AKAP19: variants seen among roughly 807,000 people sequenced by gnomAD.
The protein encoded by AKAP19 is small A-kinase anchoring protein.
the AKAP19 span, among the ~76,000 whole-genome samples, chr2:189,971,131 C>T: frequency 6.6e-6 from 1 of 152,122 alleles, no homozygotes; most frequent in African/African-American, 2.4e-5. Context: ...TATCCCTCCC[C>T]ACTCCCCCAA....
chr2:189,990,629 A>T, the AKAP19 span, among the ~76,000 whole-genome samples: 1 of 152,278 alleles, frequency 6.6e-6, no homozygotes, highest in South Asian at 2.1e-4. Flanking sequence ...GGCCTCATAG[A>T]ATAAGTGGAG....
the AKAP19 span, among the ~76,000 whole-genome samples, chr2:189,949,149 A>G: frequency 6.6e-6 from 1 of 152,194 alleles, no homozygotes; most frequent in Non-Finnish European, 1.5e-5. Flanking sequence ...CCAAGTATAC[A>G]AAAAGCCGGC....
chr2:190,055,364 G>C, the AKAP19 span, among the ~76,000 whole-genome samples: 3 of 151,778 alleles, frequency 2.0e-5, no homozygotes, highest in Non-Finnish European at 4.4e-5. Flanking sequence ...AGCATTTGGA[G>C]ACATACCTAA....
At chr2:190,096,879 C>T in the AKAP19 span, among the ~76,000 whole-genome samples, 10 of 152,026 alleles carry the variant, frequency 6.6e-5, no homozygotes, top group Admixed American at 4.6e-4. Flanking sequence ...GACAGAAAGG[C>T]GAGAGACAGC....
chr2:190,135,218 G>A, the AKAP19 span, among the ~76,000 whole-genome samples: 1 of 152,076 alleles, frequency 6.6e-6, no homozygotes, highest in Non-Finnish European at 1.5e-5. Context: ...CTACCTACTA[G>A]GCCAGATGCA....
At chr2:190,195,114 A>G in the AKAP19 span, among the ~76,000 whole-genome samples, 1 of 152,136 alleles carries the variant, frequency 6.6e-6, no homozygotes, top group Non-Finnish European at 1.5e-5. Context: ...TACTCGCCTC[A>G]GCCTCCCAAA....
the AKAP19 span, among the ~76,000 whole-genome samples, chr2:189,989,127 T>C: frequency 6.6e-6 from 1 of 152,222 alleles, no homozygotes; most frequent in Non-Finnish European, 1.5e-5. Flanking sequence ...TAGAGTAGTT[T>C]AGTCTTTTCC....
the AKAP19 span, among the ~76,000 whole-genome samples, chr2:190,151,043 C>A: frequency 6.6e-6 from 1 of 151,938 alleles, no homozygotes; most frequent in South Asian, 2.1e-4. Context: ...TTCACTATTT[C>A]TAGAAGTTTT....
the AKAP19 span, among the ~76,000 whole-genome samples, chr2:190,149,767 A>G: frequency 5.9e-3 from 892 of 152,284 alleles, 5 homozygotes; most frequent in African/African-American, 0.02. Context: ...AGTTCCATGC[A>G]CTGTTGAATA....
chr2:189,987,337 G>C, the AKAP19 span, among the ~76,000 whole-genome samples: 8 of 152,312 alleles, frequency 5.3e-5, no homozygotes, highest in South Asian at 1.7e-3. Flanking sequence ...ATGTAGAACT[G>C]TAAGTCCAAT....
At chr2:190,057,368 A>C in the AKAP19 span, 1 of 1,613,702 alleles carries the variant, frequency 6.2e-7, no homozygotes, top group Non-Finnish European at 8.5e-7. Context: ...GTGGGAGTAC[A>C]GCAAGGGCCT....
the AKAP19 span, among the ~76,000 whole-genome samples, chr2:189,970,577 T>G: frequency 4.6e-4 from 70 of 152,342 alleles, no homozygotes; most frequent in African/African-American, 1.6e-3. Flanking sequence ...CATTCATTTT[T>G]ACTACTGAGT....
At chr2:189,966,065 T>C in the AKAP19 span, among the ~76,000 whole-genome samples, 3 of 152,138 alleles carry the variant, frequency 2.0e-5, no homozygotes, top group Non-Finnish European at 4.4e-5. Flanking sequence ...GAGACTATTA[T>C]TCTAAGTGAA....
the AKAP19 span, among the ~76,000 whole-genome samples, chr2:189,913,881 C>G: frequency 1.3e-5 from 2 of 151,990 alleles, no homozygotes; most frequent in African/African-American, 2.4e-5. Context: ...CATATCTTTT[C>G]CTTAGTGACT....
At chr2:189,914,684 T>C in the AKAP19 span, among the ~76,000 whole-genome samples, 1 of 152,116 alleles carries the variant, frequency 6.6e-6, no homozygotes, top group African/African-American at 2.4e-5. Context: ...ATTATATGTA[T>C]TCTTAAGCTT....
the AKAP19 span, among the ~76,000 whole-genome samples, chr2:190,069,160 G>GTC: frequency 5.6e-5 from 8 of 141,730 alleles, no homozygotes; most frequent in East Asian, 1.8e-3. Flanking sequence ...GTGTGTGTGT[G>GTC]TGTGTGTGTG....
chr2:190,105,800 C>G, the AKAP19 span, among the ~76,000 whole-genome samples: 8 of 152,194 alleles, frequency 5.3e-5, no homozygotes, highest in African/African-American at 1.9e-4. Flanking sequence ...ATGACTCTGC[C>G]CTAGCACTGA....
chr2:190,135,794 A>G, the AKAP19 span, among the ~76,000 whole-genome samples: 1 of 152,272 alleles, frequency 6.6e-6, no homozygotes, highest in Non-Finnish European at 1.5e-5. Context: ...AGCACTATAC[A>G]AACATGAACT....
chr2:189,881,286 A>G, the AKAP19 span, among the ~76,000 whole-genome samples: 125 of 152,302 alleles, frequency 8.2e-4, no homozygotes, highest in African/African-American at 2.9e-3. Context: ...GCTTAGGACC[A>G]ACCTGCCTCC....
Sources: allele counts gnomAD v4.1 joint callset (sites outside exome capture counted in the v4.1 genomes callset), GRCh38; gene constraint gnomAD v4.1.1; transcripts MANE v1.5; gene names NCBI Gene and HGNC (gene_info 2026-07-23, HGNC 2026-07-21).